Variants in ANO10 observed in about 807,000 individuals in gnomAD.
ANO10 encodes anoctamin 10, also known as anoctamin-10.
A neutral mutation model predicts 74.7 loss-of-function variants in ANO10; 77 were observed. That is an observed-to-expected ratio of 1.03 (90% confidence interval 0.86 to 1.25). ANO10 has a LOEUF of 1.25. ANO10 is among the 50% of genes most tolerant of loss of function. The pLI, the probability that ANO10 is intolerant of heterozygous loss-of-function variation, is 0.00. For synonymous variants in ANO10, 279 were observed against 284.9 expected (o/e 0.98, Z 0.21); for missense variants, 721 against 778.1 (o/e 0.93, Z 0.87).
At chr3:43,523,481 GT>G (rs1451101350) in intron 11 of ANO10, among the ~76,000 whole-genome samples, 8 of 152,304 alleles carry the variant, frequency 5.3e-5, no homozygotes, top group Non-Finnish European at 1.0e-4. Flanking sequence ...CTGGATGCCA[GT>G]TAAGAACATG....
At chr3:43,472,122 G>A (rs925616885) in intron 11 of ANO10, among the ~76,000 whole-genome samples, 1 of 152,134 alleles carries the variant, frequency 6.6e-6, no homozygotes, top group Non-Finnish European at 1.5e-5. Context: ...ATTATGCCAA[G>A]TGAAAAACAA....
At chr3:43,583,666 A>AG (rs2081355237) in intron 4 of ANO10, among the ~76,000 whole-genome samples, 1 of 152,200 alleles carries the variant, frequency 6.6e-6, no homozygotes. Flanking sequence ...CCGATCCAGC[A>AG]GGGGGTGATA....
At chr3:43,419,994 A>G (rs2092796400) in intron 12 of ANO10, among the ~76,000 whole-genome samples, 1 of 152,242 alleles carries the variant, frequency 6.6e-6, no homozygotes. Flanking sequence ...CTTAAGAGAA[A>G]GAAACAAATG....
chr3:43,483,716 A>C (rs966221839), intron 11 of ANO10, among the ~76,000 whole-genome samples: 1 of 152,204 alleles, frequency 6.6e-6, no homozygotes, highest in Non-Finnish European at 1.5e-5. Context: ...TTGGTTTTAT[A>C]CATTTTAGGG....
At chr3:43,380,069 C>T (rs760395234) in intron 12 of ANO10, among the ~76,000 whole-genome samples, 7 of 152,090 alleles carry the variant, frequency 4.6e-5, no homozygotes, top group Admixed American at 1.3e-4. Context: ...GCAACAGAAT[C>T]GAACCAACAG....
rs184672051 is a variant in ANO10, at chr3:43,660,389, G to A, written c.-12+31128C>T. Among the ~76,000 whole-genome samples the A allele has an allele frequency of 1.1e-3, 174 of 152,140 alleles. 1 individual carries two copies. Among genetic ancestry groups the A allele is most frequent in the Non-Finnish European group, 2.0e-3 (135 of 68,006 alleles). ...CAAGCTAACTAGAAAAATAAGTGAA[G>A]AGAAGAGCTTAAATGACCTGATGGA... is the stretch of plus-strand genomic sequence containing the variant. On this transcript the variant is annotated intron_variant, in intron 1 of 3. Coordinates refer to the ANO10 transcript ENST00000413397.
chr3:43,651,543 A>C (rs1490182161), intron 1 of ANO10, among the ~76,000 whole-genome samples: 1 of 152,196 alleles, frequency 6.6e-6, no homozygotes, highest in East Asian at 1.9e-4. Context: ...CAGAGATGCC[A>C]TGGGGGTTAG....
chr3:43,570,641 C>G (rs1365689043), intron 7 of ANO10, among the ~76,000 whole-genome samples: 27 of 150,598 alleles, frequency 1.8e-4, no homozygotes, highest in African/African-American at 6.1e-4. Flanking sequence ...ATGTAGAAAG[C>G]TGAAACTGGA....
chr3:43,442,123 T>C (rs893001533), intron 11 of ANO10, among the ~76,000 whole-genome samples: 1 of 152,098 alleles, frequency 6.6e-6, no homozygotes, highest in Non-Finnish European at 1.5e-5. Flanking sequence ...TGCCACTTCC[T>C]GTCAACAAAG....
At chr3:43,630,901 C>T (rs192148453) in intron 1 of ANO10, among the ~76,000 whole-genome samples, 2 of 151,922 alleles carry the variant, frequency 1.3e-5, no homozygotes, top group Admixed American at 6.6e-5. Flanking sequence ...TCCCCTTTCA[C>T]TTCTTTTTGA....
chr3:43,646,444 T>C (rs1444828508), intron 1 of ANO10, among the ~76,000 whole-genome samples: 1 of 152,178 alleles, frequency 6.6e-6, no homozygotes, highest in Non-Finnish European at 1.5e-5. Flanking sequence ...GTCTTTGAGT[T>C]AGAGAACTAA....
At chr3:43,485,890 T>A in intron 11 of ANO10, 1 of 249,888 alleles carries the variant, frequency 4.0e-6, no homozygotes, top group South Asian at 4.1e-5. Flanking sequence ...TGGCGTCCTC[T>A]CCGCGCTCAC....
intron 1 of ANO10, among the ~76,000 whole-genome samples, chr3:43,670,858 G>A (rs1278842175): frequency 8.5e-5 from 13 of 152,180 alleles, no homozygotes; most frequent in African/African-American, 2.9e-4. Flanking sequence ...CATTATCACT[G>A]CTAGAAACGC....
intron 1 of ANO10, chr3:43,690,866 T>A (rs904280326): frequency 5.8e-5 from 61 of 1,059,834 alleles, no homozygotes; most frequent in Non-Finnish European, 6.8e-5. Context: ...CGCCGGGCCG[T>A]GCTAGTGCGC....
intron 1 of ANO10, among the ~76,000 whole-genome samples, chr3:43,675,539 G>T (rs566332706): frequency 6.6e-6 from 1 of 152,172 alleles, no homozygotes; most frequent in East Asian, 1.9e-4. Context: ...AAACTCAACA[G>T]TTAGAAAATG....
intron 1 of ANO10, among the ~76,000 whole-genome samples, chr3:43,665,349 G>A (rs2083977361): frequency 6.6e-6 from 1 of 152,044 alleles, no homozygotes; most frequent in Non-Finnish European, 1.5e-5. Flanking sequence ...ACAGGGAGGG[G>A]AACATCACAC....
At chr3:43,668,334 T>G (rs1039977662) in intron 1 of ANO10, among the ~76,000 whole-genome samples, 3 of 152,184 alleles carry the variant, frequency 2.0e-5, no homozygotes, top group African/African-American at 7.2e-5. Flanking sequence ...TATTAGTTCT[T>G]CGTTAGATGC....
In ANO10 at chr3:43,559,974, T is replaced by A. The variant is rs890389759; in HGVS notation, c.1476+1246A>T. Among the ~76,000 whole-genome samples the A allele has an allele frequency of 2.0e-5, 3 of 152,202 alleles. No homozygotes were observed. The East Asian group carries it at 5.8e-4, about 29-fold the overall frequency. ...CAATGTTACTGTTCAAAGTTTACTA[T>A]GTGTTTATACTTTGAATCATCTCCC... On this transcript the variant is annotated intron_variant, in intron 9 of 12. Coordinates refer to ENST00000292246, the MANE Select transcript of ANO10 (RefSeq NM_018075.5).
Position 43,432,460 on chromosome 3 carries a change from G to A in ANO10, c.1914+151C>T, listed in dbSNP as rs1298800341. On this transcript the variant is annotated intron_variant, in intron 12 of 12. Coordinates refer to ENST00000292246, the MANE Select transcript of ANO10 (RefSeq NM_018075.5). ...TGTTGCTCATATTGTTAGGATTTTG[G>A]TTTTGTTATGTCATCCTGAACTGGA... is the stretch of plus-strand genomic sequence containing the variant. 9.0e-6 allele frequency: 6 copies of A among 669,590 alleles called. No individual in the cohort carries two copies. The African/African-American group carries it at 1.1e-4, about 12-fold the overall frequency. The allele number at this position is 669,590 out of a possible 1,614,324, so 41.5% of individuals were successfully genotyped here.
Sources: allele counts gnomAD v4.1 joint callset (sites outside exome capture counted in the v4.1 genomes callset), GRCh38; gene constraint gnomAD v4.1.1; transcripts MANE v1.5; gene names NCBI Gene and HGNC (gene_info 2026-07-23, HGNC 2026-07-21).